The following HEATR6 variants were observed in gnomAD, a reference collection of about 807,000 sequenced individuals.
HEATR6 encodes HEAT repeat-containing protein 6.
Under a neutral mutation model 132.8 loss-of-function variants are expected in HEATR6, and 106 were observed. That is an observed-to-expected ratio of 0.80 (90% CI 0.68 to 0.94). HEATR6 has a LOEUF of 0.94. HEATR6 is among the 40% of genes least tolerant of loss of function. The pLI, the probability that HEATR6 is intolerant of heterozygous loss-of-function variation, is 0.00. For missense variants in HEATR6, 1,339 were observed against 1,425.1 expected, an observed-to-expected ratio of 0.94 and a Z score of 0.97; for synonymous variants, 529 against 537.8, an observed-to-expected ratio of 0.98 and a Z score of 0.23.
At chr17:60,073,464 C>T (rs1157761773) in intron 3 of HEATR6, among the ~76,000 whole-genome samples, 185 bp from the exon 4 acceptor site, 1 of 152,136 alleles carries the variant, frequency 6.6e-6, no homozygotes, top group East Asian at 1.9e-4. Flanking sequence ...GATCATTACT[C>T]CCAGCCTAGG....
chr17:60,072,226 T>A lies in HEATR6; in HGVS notation c.688A>T (p.Thr230Ser). ...SPKSSDMDDI[T>S]FCMLLQNALK... ...GATAGTCCACTTACCATGCAAAATG[T>A]GATATCATCCATATCAGATGATTTT... is the stretch of plus-strand genomic sequence containing the variant. Residue 230 changes from threonine to serine, a missense_variant, in exon 5 of 20, where the codon ACA becomes TCA. Thr to Ser is a moderately conservative substitution (Grantham distance 58, BLOSUM62 1). Transcript: ENST00000184956. The A allele has an allele frequency of 1.3e-6, 2 of 1,560,428 alleles. No homozygotes were observed. Among genetic ancestry groups the A allele is most frequent in the Non-Finnish European group, 1.8e-6 (2 of 1,135,498 alleles).
chr17:60,041,845 G>A lies in HEATR6; in HGVS notation c.*1718C>T, dbSNP rs1906181624. Among the ~76,000 whole-genome samples, 1 of 152,156 alleles carries A rather than the reference G, an allele frequency of 6.6e-6. No individual in the cohort carries two copies. Among genetic ancestry groups the A allele is most frequent in the South Asian group, 2.1e-4 (1 of 4,824 alleles). ...CGTGTATTTTAAGCTAAATAACCAT[G>A]ATAAAATATCACCAACACCCATTTT... On this transcript the variant is annotated 3_prime_UTR_variant, in exon 20 of 20. Coordinates refer to ENST00000184956, the MANE Select transcript of HEATR6 (RefSeq NM_022070.5).
chr17:60,044,124 T>C lies in HEATR6; in HGVS notation c.2985A>G (p.Pro995=). Residue 995 remains proline, a synonymous_variant, in exon 20 of 20, where the codon CCA becomes CCG. Coordinates refer to ENST00000184956, the MANE Select transcript of HEATR6 (RefSeq NM_022070.5). ...KNPALPLGTA[P]WTSQAYNALT... is the part of the protein sequence containing the mutation. ...GGGCATTGTAGGCCTGGGAGGTCCA[T>C]GGGGCTGTCCCTAGAAAGAATCCAC... 1.2e-6 allele frequency: 2 copies of C among 1,608,382 alleles called. No individual in the cohort carries two copies. Among genetic ancestry groups the C allele is most frequent in the East Asian group, 2.2e-5 (1 of 44,850 alleles).
At chr17:60,066,092 C>A in intron 9 of HEATR6, 117 bp downstream of exon 9, 1 of 843,478 alleles carries the variant, frequency 1.2e-6, no homozygotes, top group Non-Finnish European at 1.9e-6. Flanking sequence ...CAAGTCGGAA[C>A]TTGGGTCAGT....
intron 15 of HEATR6, 22 bp from the exon 16 acceptor site, chr17:60,049,724 G>C (rs367636571): frequency 7.5e-6 from 12 of 1,609,130 alleles, no homozygotes; most frequent in Non-Finnish European, 1.0e-5. Flanking sequence ...AGGTTGACAA[G>C]GGAAAAATGA....
chr17:60,063,339 T>G (rs1034775646), intron 9 of HEATR6: 8 of 152,204 alleles, frequency 5.3e-5, no homozygotes, highest in Non-Finnish European at 1.2e-4. Flanking sequence ...TGCCCTGTAG[T>G]TTGTTTCTTA....
At chr17:60,064,643 A>G (rs1369315175) in intron 9 of HEATR6, 1 of 151,076 alleles carries the variant, frequency 6.6e-6, no homozygotes, top group Middle Eastern at 3.2e-3. Context: ...GATCTACAAC[A>G]TCTCCAGAAG....
Position 60,066,228 on chromosome 17 carries a change from A to C in HEATR6, c.1397T>G (p.Leu466Trp). ...TCTTACCTTTGGAGAAGGGTCTTTC[A>C]ATGTAAGAGTCATCAAGGACACTGA... ...PQSVSLMTLT[L>W]KDPSPKTRAC... Residue 466 changes from leucine (L) to tryptophan (W), a missense_variant, in exon 9 of 20, where the codon TTG becomes TGG. Coordinates refer to ENST00000184956, the MANE Select transcript of HEATR6 (RefSeq NM_022070.5). The C allele has an allele frequency of 6.2e-7, 1 of 1,612,926 alleles. No individual in the cohort carries two copies. Among genetic ancestry groups the C allele is most frequent in the Non-Finnish European group, 8.5e-7 (1 of 1,179,610 alleles).
rs1217237824 is a variant in HEATR6, at chr17:60,070,427, T to C, written c.801+279A>G. ...TCTTCTTGTACAAACAAGTACAACA[T>C]AGTCTATAATTAAATATTCTATAGG... On this transcript the variant is annotated intron_variant, in intron 6 of 19. Coordinates refer to ENST00000184956, the MANE Select transcript of HEATR6 (RefSeq NM_022070.5). Among the ~76,000 whole-genome samples, 4 of 152,146 alleles carry C rather than the reference T, an allele frequency of 2.6e-5. No homozygotes were observed. In the East Asian group the frequency reaches 7.7e-4, roughly 29 times the overall value.
chr17:60,061,401 A>G (rs1488366259), intron 9 of HEATR6, among the ~76,000 whole-genome samples: 1 of 152,204 alleles, frequency 6.6e-6, no homozygotes. Flanking sequence ...GAAATTGACA[A>G]TGTATTAGGA....
At position 60,043,904 on chromosome 17, in the gene HEATR6, G is replaced by A. The variant is rs761820133; in HGVS notation, c.3205C>T (p.Arg1069Trp). 6.8e-6 allele frequency: 11 copies of A among 1,613,960 alleles called. No homozygotes were observed. The highest frequency in any genetic ancestry group is 4.5e-5 in the East Asian group (2 of 44,890). Residue 1069 changes from arginine to tryptophan, a missense_variant, in exon 20 of 20, where the codon CGG (arginine) becomes TGG (tryptophan). Transcript: ENST00000184956. The stretch of plus-strand genomic sequence containing the variant: ...ATCAGTGCCTGGCAGATTTGGGTCC[G>A]TAGGCTGACACAGTACTTGAATTCC... Reference protein sequence around the residue: ...FLEFKYCVSLRTQICQALIHL... With the variant: ...FLEFKYCVSLWTQICQALIHL...
chr17:60,065,481 C>T (rs1223049850), intron 9 of HEATR6, among the ~76,000 whole-genome samples: 2 of 152,182 alleles, frequency 1.3e-5, no homozygotes, highest in African/African-American at 4.8e-5. Context: ...TGCCATTCAG[C>T]ATGACTTTTT....
chr17:60,053,690 C>G (rs920005236), intron 14 of HEATR6, among the ~76,000 whole-genome samples: 2 of 152,172 alleles, frequency 1.3e-5, no homozygotes, highest in African/African-American at 4.8e-5. Flanking sequence ...TACACCTTAG[C>G]AAACTTGGCT....
intron 6 of HEATR6, 27 bp downstream of exon 6, chr17:60,070,679 C>A (rs1597956281): frequency 7.7e-7 from 1 of 1,295,574 alleles, no homozygotes; most frequent in East Asian, 2.3e-5. Context: ...ACAGGAAAGA[C>A]AATGATCATA....
At chr17:60,067,267 C>CT in intron 8 of HEATR6, among the ~76,000 whole-genome samples, 167 bp downstream of exon 8, 1 of 106,002 alleles carries the variant, frequency 9.4e-6, no homozygotes, top group Non-Finnish European at 1.7e-5. Context: ...GAGACTCCGT[C>CT]TCAAAAAAAA....
At chr17:60,060,802 A>G (rs2083206628) in intron 9 of HEATR6, among the ~76,000 whole-genome samples, 1 of 152,218 alleles carries the variant, frequency 6.6e-6, no homozygotes, top group Non-Finnish European at 1.5e-5. Context: ...TACAGGAAAT[A>G]ACACTGCCTG....
chr17:60,050,143 G>A (rs1257307322), intron 15 of HEATR6, among the ~76,000 whole-genome samples: 1 of 152,142 alleles, frequency 6.6e-6, no homozygotes, highest in Non-Finnish European at 1.5e-5. Flanking sequence ...GAGGTCATGG[G>A]AACAGAGCCC....
Position 60,066,109 on chromosome 17 carries a change from A to G in HEATR6, c.1416+100T>C. ...AGTCGGAACTTGGGTCAGTGTTACT[A>G]AGAGCTATATTCAGATCAGACAGGA... is the stretch of plus-strand genomic sequence containing the variant. On this transcript the variant is annotated intron_variant, in intron 9 of 19. Transcript: ENST00000184956. 5.9e-6 allele frequency: 6 copies of G among 1,022,464 alleles called. No individual in the cohort carries two copies. In the South Asian group the frequency reaches 8.7e-5, roughly 15 times the overall value. 63.3% of individuals were successfully genotyped at this position (1,022,464 alleles called of 1,614,324 possible). A position where few individuals can be genotyped will look rare whatever the true frequency, so the allele number is the denominator to read the frequency against.
intron 7 of HEATR6, 86 bp downstream of exon 7, chr17:60,069,625 G>A (rs1597955740): frequency 2.3e-6 from 3 of 1,276,758 alleles, no homozygotes; most frequent in African/African-American, 1.5e-5. Context: ...GGCTTTTAGG[G>A]TAGTAGTGAT....
Sources: allele counts gnomAD v4.1 joint callset (sites outside exome capture counted in the v4.1 genomes callset), GRCh38; gene constraint gnomAD v4.1.1; transcripts MANE v1.5; gene names NCBI Gene and HGNC (gene_info 2026-07-23, HGNC 2026-07-21).